The following KDM4C variants were observed in gnomAD, a reference collection of about 807,000 sequenced individuals.
KDM4C encodes the protein lysine-specific demethylase 4C.
Under a neutral mutation model 129.3 loss-of-function variants are expected in KDM4C, and 81 were observed. The ratio of observed to expected loss-of-function variants is 0.63; its 90% CI spans 0.52 to 0.75. The LOEUF (loss-of-function observed/expected upper bound fraction) is 0.75, where lower values mean the gene tolerates loss of function less well. Ranked by LOEUF, KDM4C falls within the 30% of genes least tolerant of loss-of-function variation. The pLI is 0.00. For missense variants in KDM4C, 1,457 were observed against 1,304.0 expected (o/e 1.12, Z -1.81); for synonymous variants, 573 against 456.1 (o/e 1.26, Z -3.26).
chr9:6,779,229 C>T (rs535869232), intron 1 of KDM4C, among the ~76,000 whole-genome samples: 16 of 148,688 alleles, frequency 1.1e-4, no homozygotes, highest in Admixed American at 2.0e-4. Flanking sequence ...GGGGTTTCAC[C>T]GTGGTCTCGA....
At chr9:6,950,088 TC>T (rs398113186) in intron 8 of KDM4C, among the ~76,000 whole-genome samples, 1 of 150,894 alleles carries the variant, frequency 6.6e-6, no homozygotes. Context: ...TTTTTTTTTT[TC>T]CTCAAGCTTT....
At chr9:7,156,937 C>T (rs1000925753) in intron 19 of KDM4C, among the ~76,000 whole-genome samples, 20 of 152,146 alleles carry the variant, frequency 1.3e-4, no homozygotes, top group African/African-American at 4.8e-4. Flanking sequence ...TATAAATTAC[C>T]TTGGGCAGTG....
At chr9:7,144,576 A>G (rs1249831644) in intron 19 of KDM4C, among the ~76,000 whole-genome samples, 2 of 152,238 alleles carry the variant, frequency 1.3e-5, no homozygotes, top group East Asian at 1.9e-4. Flanking sequence ...GAGAACAGCC[A>G]TAGGTGATCT....
At chr9:7,051,506 T>A (rs1481004677) in intron 17 of KDM4C, among the ~76,000 whole-genome samples, 1 of 152,182 alleles carries the variant, frequency 6.6e-6, no homozygotes, top group Non-Finnish European at 1.5e-5. Flanking sequence ...AGGGTACACT[T>A]TCCTGACATA....
chr9:7,106,295 C>G lies in KDM4C; in HGVS notation c.2610+2425C>G, dbSNP rs77660920. Among the ~76,000 whole-genome samples, 13 of 152,312 alleles carry G rather than the reference C, an allele frequency of 8.5e-5. No individual in the cohort carries two copies. In the East Asian group the frequency reaches 2.5e-3, roughly 29 times the overall value. On this transcript the variant is annotated intron_variant, in intron 18 of 21. Coordinates refer to ENST00000381309, the MANE Select transcript of KDM4C (RefSeq NM_015061.6). Reference sequence around the variant, plus strand: ...AATCAAATATTTCTCTTTGTGTAAACTATCAATGCTAAGAGGTATGCTTCT... The same window carrying G: ...AATCAAATATTTCTCTTTGTGTAAAGTATCAATGCTAAGAGGTATGCTTCT...
At chr9:6,806,456 T>TGG (rs1829977928) in intron 3 of KDM4C, among the ~76,000 whole-genome samples, 1 of 151,984 alleles carries the variant, frequency 6.6e-6, no homozygotes, top group Non-Finnish European at 1.5e-5. Flanking sequence ...ATCACGCCAT[T>TGG]GCACTCCAGC....
upstream of KDM4C, among the ~76,000 whole-genome samples, chr9:6,755,873 T>C (rs1029299982): frequency 6.6e-6 from 1 of 152,218 alleles, no homozygotes; most frequent in Admixed American, 6.5e-5. Context: ...AAGCACTTAA[T>C]GGATTCACAT....
chr9:6,796,867 A>G (rs1827847358), intron 2 of KDM4C, among the ~76,000 whole-genome samples: 1 of 152,188 alleles, frequency 6.6e-6, no homozygotes. Context: ...GTAGTAGCAT[A>G]TGTATAAAAC....
At chr9:6,818,881 AAACTAGGTCTTTGTC>A (rs757417402) in intron 4 of KDM4C, 4 of 152,112 alleles carry the variant, frequency 2.6e-5, no homozygotes, top group Admixed American at 6.6e-5. Flanking sequence ...GAAATATGTA[AAACTAGGTCTTTGTC>A]AACTAGATAT....
At chr9:7,007,115 A>C (rs1192726772) in intron 12 of KDM4C, among the ~76,000 whole-genome samples, 1 of 152,174 alleles carries the variant, frequency 6.6e-6, no homozygotes, top group Non-Finnish European at 1.5e-5. Context: ...TAGCCCTCTT[A>C]CATAGGATGG....
At position 6,829,939 on chromosome 9, in the gene KDM4C, T is replaced by C. The variant is rs908766205; in HGVS notation, c.435+15194T>C. On this transcript the variant is annotated intron_variant, in intron 4 of 21. Transcript: ENST00000381309. The stretch of plus-strand genomic sequence containing the variant: ...AAGATATAAAAGCCTGTGTTTTTTT[T>C]CTGGGGTGAATTTATAAATAGAGTA... 2.0e-5 allele frequency among the ~76,000 whole-genome samples: 3 copies of C among 152,252 alleles called. No individual in the cohort carries two copies. The South Asian group carries it at 6.2e-4, about 31-fold the overall frequency.
chr9:6,881,852 T>A (rs1440858507), intron 6 of KDM4C, among the ~76,000 whole-genome samples: 1 of 152,232 alleles, frequency 6.6e-6, no homozygotes, highest in East Asian at 1.9e-4. Context: ...AATTGAATTC[T>A]GCTAAATAAT....
chr9:7,049,044 G>A (rs757818347), intron 16 of KDM4C, 48 bp from the exon 17 acceptor site: 3 of 1,266,548 alleles, frequency 2.4e-6, no homozygotes, highest in South Asian at 1.2e-5. Context: ...GTTGAAGTAT[G>A]TAAGTTTAGG....
chr9:6,760,445 G>GTATATATATATATATA lies in KDM4C; in HGVS notation c.-18+2247_-18+2262dup, dbSNP rs60954996. ...GGACGCGTGTTTTCTCTACTCTTGG[G>GTATATATATATATATA]TATATATATATATATATATAATGTA... On this transcript the variant is annotated intron_variant, in intron 1 of 21. Transcript: ENST00000381309. Among the ~76,000 whole-genome samples, 1,249 of 142,432 alleles carry GTATATATATATATATA rather than the reference G, an allele frequency of 8.8e-3. 16 individuals are homozygous for GTATATATATATATATA. Among genetic ancestry groups the GTATATATATATATATA allele is most frequent in the African/African-American group, 0.021 (822 of 38,454 alleles). 93.4% of individuals were successfully genotyped at this position (142,432 alleles called of 152,430 possible).
chr9:7,013,868 G>T lies in KDM4C; in HGVS notation c.2049G>T (p.Lys683Asn). The T allele has an allele frequency of 6.2e-7, 1 of 1,613,952 alleles. No individual in the cohort carries two copies. The highest frequency in any genetic ancestry group is 8.5e-7 in the Non-Finnish European group (1 of 1,179,884). ...TCGTTACATCGGAGGGAAAGACTAA[G>T]CCCCTCATACCAGAGATGTGTTTTA... Reference protein sequence around the residue: ...DEVVTSEGKTKPLIPEMCFIY... With the variant: ...DEVVTSEGKTNPLIPEMCFIY... The change falls in exon 14 of 22, where the codon AAG (lysine) becomes AAT (asparagine). Residue 683 changes from lysine (K) to asparagine (N), a missense_variant. Physicochemically the swap from Lys to Asn is moderately conservative, Grantham distance 94. Coordinates refer to ENST00000381309, the MANE Select transcript of KDM4C (RefSeq NM_015061.6).
At chr9:7,028,806 G>A (rs1324073008) in intron 15 of KDM4C, among the ~76,000 whole-genome samples, 1 of 152,158 alleles carries the variant, frequency 6.6e-6, no homozygotes, top group Non-Finnish European at 1.5e-5. Flanking sequence ...CAGGCGCCAG[G>A]TCAGCTCAGC....
chr9:7,106,807 T>C (rs2133181428), intron 18 of KDM4C, among the ~76,000 whole-genome samples: 1 of 152,332 alleles, frequency 6.6e-6, no homozygotes, highest in Non-Finnish European at 1.5e-5. Context: ...TTATTTTAAA[T>C]ATATGAGCTT....
chr9:7,154,728 C>A (rs1352381902), intron 19 of KDM4C, among the ~76,000 whole-genome samples: 1 of 152,180 alleles, frequency 6.6e-6, no homozygotes, highest in Non-Finnish European at 1.5e-5. Context: ...AAAGGCCACT[C>A]TTCACCGTGA....
At chr9:6,964,114 A>C (rs918673194) in intron 8 of KDM4C, among the ~76,000 whole-genome samples, 2 of 152,024 alleles carry the variant, frequency 1.3e-5, no homozygotes, top group Admixed American at 6.5e-5. Context: ...TTATACTTTA[A>C]GTTCTAGGCT....
Sources: allele counts gnomAD v4.1 joint callset (sites outside exome capture counted in the v4.1 genomes callset), GRCh38; gene constraint gnomAD v4.1.1; transcripts MANE v1.5; gene names NCBI Gene and HGNC (gene_info 2026-07-23, HGNC 2026-07-21).